The following KDM5A variants were observed in gnomAD, a reference collection of about 807,000 sequenced individuals.
KDM5A encodes lysine demethylase 5A, also known as lysine-specific demethylase 5A.
In KDM5A, 42 loss-of-function variants were observed where a neutral mutation model predicts 193.5. The observed-to-expected ratio is 0.22, with a 90% CI of 0.17 to 0.28. The LOEUF (loss-of-function observed/expected upper bound fraction) is 0.28. Among genes scored for constraint, KDM5A ranks in the 10% least tolerant of loss-of-function variants. The pLI, the probability that KDM5A is intolerant of heterozygous loss-of-function variation, is 1.00. For synonymous variants in KDM5A, 796 were observed against 718.1 expected, an observed-to-expected ratio of 1.11 and a Z score of -1.73; for missense variants, 1,692 against 2,055.1, an observed-to-expected ratio of 0.82 and a Z score of 3.42.
chr12:322,995 C>T lies in KDM5A; in HGVS notation c.2275+87G>A, dbSNP rs142981348. 136 of 1,563,220 alleles carry T rather than the reference C, an allele frequency of 8.7e-5. No individual in the cohort carries two copies. The East Asian group carries it at 1.8e-3, about 21-fold the overall frequency. On this transcript the variant is annotated intron_variant, in intron 16 of 27. Coordinates refer to ENST00000399788, the MANE Select transcript of KDM5A (RefSeq NM_001042603.3). ...TAGGAAGCCTAGGATTTTTCTTTTA[C>T]GGAAGGAAAAAACATAAAACTAAAA...
intron 27 of KDM5A, among the ~76,000 whole-genome samples, chr12:292,438 A>G (rs992946960): frequency 3.3e-5 from 5 of 152,280 alleles, no homozygotes; most frequent in Admixed American, 3.3e-4. Flanking sequence ...GTCACCTTAT[A>G]GGGAAGGCAC....
chr12:362,051 T>A (rs1357131370), intron 5 of KDM5A, among the ~76,000 whole-genome samples: 1 of 152,166 alleles, frequency 6.6e-6, no homozygotes, highest in Admixed American at 6.5e-5. Flanking sequence ...TGACACCCAC[T>A]TTTGATGCTA....
intron 27 of KDM5A, 77 bp from the exon 28 acceptor site, chr12:285,739 C>A (rs1943212661): frequency 2.3e-6 from 3 of 1,325,778 alleles, no homozygotes; most frequent in Admixed American, 3.4e-5. Flanking sequence ...AAAGAGCTTT[C>A]TTGGCTTAAA....
chr12:320,945 T>C, intron 18 of KDM5A, 50 bp downstream of exon 18: 2 of 1,259,438 alleles, frequency 1.6e-6, no homozygotes, highest in African/African-American at 1.5e-5. Context: ...CCCAGAACAG[T>C]GGACCATGTC....
At position 317,249 on chromosome 12, in the gene KDM5A, G is replaced by A. The variant is rs183640126; in HGVS notation, c.2897+857C>T. On this transcript the variant is annotated intron_variant, in intron 19 of 27. Transcript: ENST00000399788. ...CACTTATTTTCTGTCACCTGAACAC[G>A]CCCTAAATATTCCTTAAACTCAGTT... 2.4e-3 allele frequency among the ~76,000 whole-genome samples: 368 copies of A among 152,040 alleles called. 2 individuals carry two copies. The highest frequency in any genetic ancestry group is 6.8e-3 in the Middle Eastern group (2 of 294).
chr12:297,533 C>G (rs1480765312), intron 24 of KDM5A, among the ~76,000 whole-genome samples: 3 of 152,154 alleles, frequency 2.0e-5, no homozygotes, highest in African/African-American at 7.2e-5. Context: ...AAGATTTTCA[C>G]CCGGGTTTTC....
intron 3 of KDM5A, among the ~76,000 whole-genome samples, chr12:369,432 T>A (rs182359855): frequency 7.9e-5 from 12 of 152,306 alleles, no homozygotes; most frequent in Non-Finnish European, 1.5e-4. Flanking sequence ...TCATGGAGCT[T>A]ACATTCTAGT....
intron 24 of KDM5A, among the ~76,000 whole-genome samples, chr12:299,861 A>ATGGAAAACAAAAAAAAAGCAG (rs1179627320): frequency 4.0e-5 from 6 of 151,798 alleles, no homozygotes; most frequent in South Asian, 4.2e-4. Context: ...TACCAAGCAA[A>ATGGAAAACAAAAAAAAAGCAG]TGGAAAACAA....
chr12:378,898 A>G (rs1283461503), intron 3 of KDM5A, among the ~76,000 whole-genome samples: 2 of 150,482 alleles, frequency 1.3e-5, no homozygotes, highest in Admixed American at 6.6e-5. Flanking sequence ...GGCGGAGCTT[A>G]GAGTGAGCCA....
chr12:354,204 G>C lies in KDM5A; in HGVS notation c.901C>G (p.Arg301Gly), dbSNP rs749556390. The change falls in exon 8 of 28, where the codon CGG (arginine) becomes GGG (glycine). Residue 301 changes from arginine (R) to glycine (G), a missense_variant. Physicochemically the swap from Arg to Gly is moderately radical, Grantham distance 125. Transcript: ENST00000399788. ...AGCAATTTATCTTCATTGTTTCCCCGACCACAAAACATACAAACATAGAGA... is the reference window on the plus strand; with the variant it reads ...AGCAATTTATCTTCATTGTTTCCCCCACCACAAAACATACAAACATAGAGA... ...VDLYVCMFCGRGNNEDKLLLC... is the reference protein window; with the variant it reads ...VDLYVCMFCGGGNNEDKLLLC... 2 of 1,608,914 alleles carry C rather than the reference G, an allele frequency of 1.2e-6. No homozygotes were observed. The highest frequency in any genetic ancestry group is 1.7e-6 in the Non-Finnish European group (2 of 1,176,546).
At chr12:386,694 G>A (rs1174831807) in intron 1 of KDM5A, among the ~76,000 whole-genome samples, 3 of 152,086 alleles carry the variant, frequency 2.0e-5, no homozygotes, top group African/African-American at 7.2e-5. Flanking sequence ...AAAAGAAAAA[G>A]AAAAAGAATA....
In KDM5A at chr12:318,393, A is replaced by C. The variant is rs745512346; in HGVS notation, c.2610T>G (p.Asp870Glu). The C allele has an allele frequency of 2.0e-5, 32 of 1,614,064 alleles. No homozygotes were observed. The highest frequency in any genetic ancestry group is 2.6e-5 in the Non-Finnish European group (31 of 1,180,018). Reference protein sequence around the residue: ...AQEAMMDETPDSSKLQMLIDM... With the variant: ...AQEAMMDETPESSKLQMLIDM... ...CTATCAACATCTGGAGTTTGGAAGA[A>C]TCTGGGGTTTCATCCATCATGGCCT... is the stretch of plus-strand genomic sequence containing the variant. The change falls in exon 19 of 28, where the codon GAT (aspartate) becomes GAG (glutamate). Residue 870 changes from aspartate to glutamate, a missense_variant. Asp to Glu is a conservative substitution (Grantham distance 45). Coordinates refer to ENST00000399788, the MANE Select transcript of KDM5A (RefSeq NM_001042603.3).
intron 1 of KDM5A, among the ~76,000 whole-genome samples, chr12:387,475 G>C (rs1944651573): frequency 6.6e-6 from 1 of 152,082 alleles, no homozygotes; most frequent in South Asian, 2.1e-4. Flanking sequence ...GTTAATATTA[G>C]GTAATTATGA....
intron 3 of KDM5A, among the ~76,000 whole-genome samples, chr12:380,362 T>C (rs1018231379): frequency 6.6e-6 from 1 of 152,126 alleles, no homozygotes; most frequent in African/African-American, 2.4e-5. Context: ...AATAGATTAC[T>C]ACTCATACTA....
chr12:328,932 G>T lies in KDM5A; in HGVS notation c.1871C>A (p.Pro624Gln). Residue 624 changes from proline (P) to glutamine (Q), a missense_variant, in exon 14 of 28, where the codon CCA (proline) becomes CAA (glutamine). Pro to Gln is a moderately conservative substitution (Grantham distance 76). Transcript: ENST00000399788. ...EELIFKMAAD[P>Q]ECLDVGLAAM... ...AGCCAGCCCCACATCTAAGCATTCT[G>T]GATCTGCTGCCATCTTGAAAATTAG... 6.2e-7 allele frequency: 1 copy of T among 1,614,194 alleles called. No homozygotes were observed. The highest frequency in any genetic ancestry group is 8.5e-7 in the Non-Finnish European group (1 of 1,180,026).
At chr12:311,340 A>T (rs978279110) in intron 20 of KDM5A, 2 of 422,714 alleles carry the variant, frequency 4.7e-6, no homozygotes, top group Non-Finnish European at 8.8e-6. Flanking sequence ...TAAAGCACAG[A>T]CATATATAAA....
intron 3 of KDM5A, among the ~76,000 whole-genome samples, chr12:379,925 T>A (rs144497994): frequency 6.6e-6 from 1 of 152,194 alleles, no homozygotes; most frequent in Admixed American, 6.6e-5. Context: ...TCAGACTAGG[T>A]TACCTCTAAA....
rs1479745165 is a variant in KDM5A, at chr12:284,816, A to G, written c.*640T>C. The G allele has an allele frequency of 2.1e-5, 5 of 233,796 alleles. No homozygotes were observed. The highest frequency in any genetic ancestry group is 4.2e-5 in the Non-Finnish European group (5 of 118,490). 14.5% of individuals were successfully genotyped at this position (233,796 alleles called of 1,614,324 possible). A position where few individuals can be genotyped will look rare whatever the true frequency, so the allele number is the denominator to read the frequency against. ...GATGATATCCTCATCTTACAAAGAT[A>G]AGGTGACCTGCCCCAGCTTGTGAGA... On this transcript the variant is annotated 3_prime_UTR_variant, in exon 28 of 28. Transcript: ENST00000399788.
chr12:385,179 T>TG (rs1252374164), intron 2 of KDM5A, among the ~76,000 whole-genome samples: 32 of 132,088 alleles, frequency 2.4e-4, no homozygotes, highest in African/African-American at 8.4e-4. Flanking sequence ...CAAGACTCTC[T>TG]GGAAAAAAAA....
Sources: gnomAD v4.1 joint callset for allele counts (sites outside exome capture counted in the v4.1 genomes callset) on GRCh38, gnomAD v4.1.1 for gene constraint, MANE v1.5 for transcripts, NCBI Gene and HGNC (gene_info 2026-07-23, HGNC 2026-07-21) for gene names.